AKAP7: variants seen among roughly 807,000 people sequenced by gnomAD.
AKAP7 encodes A kinase (PRKA) anchor protein 7.
AKAP7 carries 39 observed loss-of-function variants against 39.5 expected under a neutral mutation model. The ratio of observed to expected loss-of-function variants is 0.99; its 90% CI spans 0.76 to 1.29. The LOEUF (loss-of-function observed/expected upper bound fraction) is 1.29. AKAP7 is among the 50% of genes most tolerant of loss of function. AKAP7 has a pLI of 0.00. For synonymous variants in AKAP7, 140 were observed against 139.1 expected, an observed-to-expected ratio of 1.01 and a Z score of -0.05; for missense variants, 414 against 407.7, an observed-to-expected ratio of 1.02 and a Z score of -0.13.
At chr6:131,232,478 C>A (rs1038887706) in intron 7 of AKAP7, among the ~76,000 whole-genome samples, 1 of 152,128 alleles carries the variant, frequency 6.6e-6, no homozygotes, top group Non-Finnish European at 1.5e-5. Context: ...CCACATTAAT[C>A]GATGTTTATT....
At chr6:131,141,583 C>T (rs1330709685) in intron 1 of AKAP7, among the ~76,000 whole-genome samples, 4 of 152,076 alleles carry the variant, frequency 2.6e-5, no homozygotes, top group African/African-American at 9.7e-5. Context: ...GGCTTTGGAA[C>T]TGGGTAATGG....
intron 6 of AKAP7, among the ~76,000 whole-genome samples, chr6:131,210,212 G>C (rs969986712): frequency 1.3e-5 from 2 of 152,198 alleles, no homozygotes; most frequent in Non-Finnish European, 2.9e-5. Flanking sequence ...TTGACCATCA[G>C]AATCTTACTC....
At chr6:131,261,171 C>T (rs925227053) in intron 7 of AKAP7, among the ~76,000 whole-genome samples, 8 of 143,258 alleles carry the variant, frequency 5.6e-5, no homozygotes, top group Non-Finnish European at 9.0e-5. Flanking sequence ...GCAACAAGAG[C>T]GAATGCAGCC....
chr6:131,220,449 G>A (rs779623272), intron 7 of AKAP7, among the ~76,000 whole-genome samples: 1 of 152,150 alleles, frequency 6.6e-6, no homozygotes, highest in Non-Finnish European at 1.5e-5. Context: ...GTATTTCAAA[G>A]CAGCCAGCTC....
At chr6:131,207,805 G>A (rs892986505) in intron 6 of AKAP7, among the ~76,000 whole-genome samples, 29 of 152,048 alleles carry the variant, frequency 1.9e-4, no homozygotes, top group African/African-American at 6.8e-4. Context: ...AGAGAAGCCT[G>A]GAGACTACCC....
At chr6:131,239,272 C>T (rs567012661) in intron 7 of AKAP7, among the ~76,000 whole-genome samples, 43 of 152,312 alleles carry the variant, frequency 2.8e-4, no homozygotes, top group African/African-American at 8.7e-4. Context: ...TCTGCCAAGA[C>T]GTCAGCTGTT....
chr6:131,263,106 T>C (rs1284887404), intron 7 of AKAP7, among the ~76,000 whole-genome samples: 1 of 152,204 alleles, frequency 6.6e-6, no homozygotes, highest in Non-Finnish European at 1.5e-5. Flanking sequence ...AGTGAGAGGA[T>C]AGATGCCCGG....
chr6:131,168,992 C>T, intron 4 of AKAP7, 121 bp from the exon 5 acceptor site: 3 of 880,232 alleles, frequency 3.4e-6, no homozygotes, highest in South Asian at 2.0e-5. Context: ...TATTTTGAGC[C>T]TTAAAATAAT....
rs567703603 is a variant in AKAP7, at chr6:131,272,575, G to A, written c.851-8955G>A. On this transcript the variant is annotated intron_variant, in intron 7 of 7. Coordinates refer to ENST00000431975, the MANE Select transcript of AKAP7 (RefSeq NM_016377.4). ...TGTTTTAATTTACGTTCAGTTAAAGGTATTTTCTAATTCCTCTTGATTTCA... is the reference window on the plus strand; with the variant it reads ...TGTTTTAATTTACGTTCAGTTAAAGATATTTTCTAATTCCTCTTGATTTCA... 1.2e-4 allele frequency among the ~76,000 whole-genome samples: 19 copies of A among 152,188 alleles called. 1 individual carries two copies. In the South Asian group the frequency reaches 3.7e-3, roughly 30 times the overall value.
Position 131,254,210 on chromosome 6 carries a change from C to T in AKAP7, c.851-27320C>T, listed in dbSNP as rs75068263. ...AGATTAGGCTCTTTCTCTTGCTCTA[C>T]GGGAACATTGTTAACATTAAAAATT... On this transcript the variant is annotated intron_variant, in intron 7 of 7. Coordinates refer to ENST00000431975, the MANE Select transcript of AKAP7 (RefSeq NM_016377.4). Among the ~76,000 whole-genome samples the T allele has an allele frequency of 7.2e-3, 1,099 of 152,274 alleles. 35 individuals carry two copies. The East Asian group carries it at 0.1, about 14-fold the overall frequency.
At chr6:131,253,885 A>AAGTT (rs1421973798) in intron 7 of AKAP7, among the ~76,000 whole-genome samples, 2 of 152,028 alleles carry the variant, frequency 1.3e-5, no homozygotes, top group Non-Finnish European at 1.5e-5. Flanking sequence ...TATTGATGGA[A>AAGTT]AGTTAGGTTG....
chr6:131,240,914 C>T (rs2128312675), intron 7 of AKAP7, among the ~76,000 whole-genome samples: 1 of 152,262 alleles, frequency 6.6e-6, no homozygotes, highest in Middle Eastern at 3.4e-3. Context: ...ACCCACTGTC[C>T]TGCACCCACT....
chr6:131,197,826 CAAGTT>C (rs1200524007), intron 5 of AKAP7, among the ~76,000 whole-genome samples: 2 of 152,016 alleles, frequency 1.3e-5, no homozygotes, highest in African/African-American at 4.8e-5. Context: ...TGAGAAAAGA[CAAGTT>C]AAGAGAGAAA....
intron 7 of AKAP7, among the ~76,000 whole-genome samples, chr6:131,228,063 T>G (rs1310162239): frequency 6.6e-6 from 1 of 152,246 alleles, no homozygotes; most frequent in Non-Finnish European, 1.5e-5. Flanking sequence ...TTATCTTCAG[T>G]GCTCCTTTAC....
At chr6:131,144,036 TGA>T (rs1801278234) in intron 1 of AKAP7, among the ~76,000 whole-genome samples, 1 of 138,008 alleles carries the variant, frequency 7.2e-6, no homozygotes, top group Non-Finnish European at 1.5e-5. Context: ...CATTTAACCC[TGA>T]GTGGACACAG....
intron 7 of AKAP7, among the ~76,000 whole-genome samples, chr6:131,275,346 G>A (rs1025640654): frequency 5.3e-5 from 8 of 152,132 alleles, no homozygotes; most frequent in East Asian, 3.8e-4. Flanking sequence ...GAGAGGTCAC[G>A]GACAAGGTTG....
chr6:131,261,976 C>T (rs1444038592), intron 7 of AKAP7, among the ~76,000 whole-genome samples: 1 of 152,020 alleles, frequency 6.6e-6, no homozygotes, highest in Non-Finnish European at 1.5e-5. Flanking sequence ...TGGGAAGGAC[C>T]CCCACATAGC....
intron 6 of AKAP7, among the ~76,000 whole-genome samples, chr6:131,209,760 A>G (rs1384783207): frequency 6.6e-6 from 1 of 152,218 alleles, no homozygotes; most frequent in Non-Finnish European, 1.5e-5. Context: ...AACTTCTGTC[A>G]GCTGGTAATT....
intron 7 of AKAP7, among the ~76,000 whole-genome samples, chr6:131,253,840 G>GTA (rs939307700): frequency 2.0e-5 from 3 of 151,980 alleles, no homozygotes; most frequent in Non-Finnish European, 4.4e-5. Flanking sequence ...GTATTCCATA[G>GTA]TATATATATA....
Sources: allele counts gnomAD v4.1 joint callset (sites outside exome capture counted in the v4.1 genomes callset), GRCh38; gene constraint gnomAD v4.1.1; transcripts MANE v1.5; gene names NCBI Gene and HGNC (gene_info 2026-07-23, HGNC 2026-07-21).